The following LRRIQ1 variants were observed in gnomAD, a reference collection of about 807,000 sequenced individuals.
The protein encoded by LRRIQ1 is leucine rich repeats and IQ motif containing 1, also known as leucine-rich repeat- and IQ domain-containing protein 1.
In LRRIQ1, 210 loss-of-function variants were observed where a neutral mutation model predicts 211.9. The ratio of observed to expected loss-of-function variants is 0.99; its 90% CI spans 0.89 to 1.11. The LOEUF (loss-of-function observed/expected upper bound fraction) is 1.11, where lower values mean the gene tolerates loss of function less well. Among genes scored for constraint, LRRIQ1 ranks in the 50% most tolerant of loss-of-function variants. The pLI is 0.00. For missense variants in LRRIQ1, 2,136 were observed against 1,939.5 expected (o/e 1.10, Z -1.90); for synonymous variants, 699 against 650.1 (o/e 1.08, Z -1.14).
At chr12:85,171,017 G>A (rs1409863757) in intron 24 of LRRIQ1, among the ~76,000 whole-genome samples, 1 of 151,992 alleles carries the variant, frequency 6.6e-6, no homozygotes, top group Non-Finnish European at 1.5e-5. Flanking sequence ...AAATAAACAT[G>A]GAAAGAGATG....
At chr12:85,165,582 C>G (rs1036802160) in intron 24 of LRRIQ1, among the ~76,000 whole-genome samples, 1 of 150,550 alleles carries the variant, frequency 6.6e-6, no homozygotes, top group Non-Finnish European at 1.5e-5. Flanking sequence ...AAGCAATTCT[C>G]CTGCCTCATC....
chr12:85,158,782 A>G (rs1387846885), intron 23 of LRRIQ1, among the ~76,000 whole-genome samples: 1 of 151,956 alleles, frequency 6.6e-6, no homozygotes, highest in East Asian at 1.9e-4. Context: ...AGAGGAGTAG[A>G]CTTAAGTGTA....
chr12:85,057,868 A>T (rs77687499), intron 8 of LRRIQ1, among the ~76,000 whole-genome samples: 3,207 of 152,206 alleles, frequency 0.021, 108 homozygotes, highest in African/African-American at 0.071. Context: ...TGATTAAAAT[A>T]CATATATTTA....
intron 11 of LRRIQ1, among the ~76,000 whole-genome samples, chr12:85,073,348 C>A (rs999278002): frequency 6.6e-6 from 1 of 151,970 alleles, no homozygotes; most frequent in Non-Finnish European, 1.5e-5. Flanking sequence ...ATTACTATGA[C>A]TTCTTCCATA....
intron 26 of LRRIQ1, among the ~76,000 whole-genome samples, chr12:85,238,459 G>T (rs566560783): frequency 6.6e-6 from 1 of 151,852 alleles, no homozygotes; most frequent in African/African-American, 2.4e-5. Context: ...AAACCAACAA[G>T]AAAGAAAAAA....
At chr12:85,147,139 T>G (rs1889945255) in intron 19 of LRRIQ1, among the ~76,000 whole-genome samples, 1 of 151,724 alleles carries the variant, frequency 6.6e-6, no homozygotes, top group Non-Finnish European at 1.5e-5. Flanking sequence ...AACTGAAAAC[T>G]TAGGCAACTA....
chr12:85,157,425 C>A (rs987443628), intron 23 of LRRIQ1, among the ~76,000 whole-genome samples: 1 of 151,826 alleles, frequency 6.6e-6, no homozygotes, highest in African/African-American at 2.4e-5. Context: ...TGCTTTTAAC[C>A]TCTTGATTGG....
chr12:85,140,224 A>G (rs1889433481), intron 19 of LRRIQ1, among the ~76,000 whole-genome samples: 1 of 151,276 alleles, frequency 6.6e-6, no homozygotes, highest in African/African-American at 2.4e-5. Flanking sequence ...ACAAACCTCA[A>G]TGTGGAAAAT....
chr12:85,051,172 C>CCTCT lies in LRRIQ1; in HGVS notation c.679-985_679-982dup, dbSNP rs148108462. 3.2e-4 allele frequency among the ~76,000 whole-genome samples: 47 copies of CCTCT among 147,462 alleles called. 1 individual carries two copies. The highest frequency in any genetic ancestry group is 7.4e-4 in the African/African-American group (30 of 40,302). ...TGTTAAAAGGAGCCTAGCACTTTCTCCTCTCTCTCTCTCTCTCTCTCTCGC... is the reference window on the plus strand; with the variant it reads ...TGTTAAAAGGAGCCTAGCACTTTCTCCTCTCTCTCTCTCTCTCTCTCTCTCTCGC... On this transcript the variant is annotated intron_variant, in intron 6 of 26. Coordinates refer to ENST00000393217, the MANE Select transcript of LRRIQ1 (RefSeq NM_001079910.2).
intron 24 of LRRIQ1, among the ~76,000 whole-genome samples, chr12:85,215,254 G>A (rs562806290): frequency 1.3e-5 from 2 of 152,298 alleles, no homozygotes; most frequent in African/African-American, 4.8e-5. Flanking sequence ...TGACACTCCA[G>A]TAGAGTTGAA....
At position 85,066,833 on chromosome 12, in the gene LRRIQ1, A is replaced by G. The variant is rs564746060; in HGVS notation, c.2630A>G (p.His877Arg). 5.5e-5 allele frequency: 87 copies of G among 1,593,274 alleles called. 1 individual carries two copies. In the South Asian group the frequency reaches 9.0e-4, roughly 16 times the overall value. The change falls in exon 10 of 27, where the codon CAT becomes CGT. Residue 877 changes from histidine (H) to arginine (R), a missense_variant. His to Arg is a conservative substitution (Grantham distance 29, BLOSUM62 0). Coordinates refer to ENST00000393217, the MANE Select transcript of LRRIQ1 (RefSeq NM_001079910.2). ...AATAAAAATCAACTGACTTCTCTTC[A>G]TGGTTTGGATGGCTGTACTAATATT... ...LLNKNQLTSLHGLDGCTNIQC... is the reference protein window; with the variant it reads ...LLNKNQLTSLRGLDGCTNIQC...
At chr12:85,145,744 T>C (rs1386402795) in intron 19 of LRRIQ1, among the ~76,000 whole-genome samples, 1 of 151,692 alleles carries the variant, frequency 6.6e-6, no homozygotes, top group Non-Finnish European at 1.5e-5. Flanking sequence ...AAAGTTGTTA[T>C]CTTTATTACA....
At chr12:85,211,801 A>G (rs546316484) in intron 24 of LRRIQ1, among the ~76,000 whole-genome samples, 1 of 152,262 alleles carries the variant, frequency 6.6e-6, no homozygotes, top group South Asian at 2.1e-4. Context: ...TGGATCATTC[A>G]TAAATGATGG....
rs1885646405 is a variant in LRRIQ1 at position 85,094,046 on chromosome 12, A to G, written c.2888-4309A>G. On this transcript the variant is annotated intron_variant, in intron 11 of 26. Transcript: ENST00000393217. ...TGGCCTTAAAAGTACATTTGAGACAACTTCAAATCTCCATACATTCTGAAT... is the reference window on the plus strand; with the variant it reads ...TGGCCTTAAAAGTACATTTGAGACAGCTTCAAATCTCCATACATTCTGAAT... 1.3e-5 allele frequency among the ~76,000 whole-genome samples: 2 copies of G among 152,194 alleles called. 1 individual carries two copies. The highest frequency in any genetic ancestry group is 4.1e-4 in the South Asian group (2 of 4,830).
At position 85,127,974 on chromosome 12, in the gene LRRIQ1, A is replaced by G. The variant is rs760504442; in HGVS notation, c.4150A>G (p.Lys1384Glu). The G allele has an allele frequency of 3.7e-6, 6 of 1,613,728 alleles. No homozygotes were observed. In the Admixed American group the frequency reaches 8.3e-5, roughly 22 times the overall value. Reference sequence around the variant, plus strand: ...GAATCAGACTATTTTAAAGAAAGGAAAAAGAGAAAATATTGTGAATATCCG... The same window carrying G: ...GAATCAGACTATTTTAAAGAAAGGAGAAAGAGAAAATATTGTGAATATCCG... ...IKNQTILKKG[K>E]RENIVNIRKQ... is the part of the protein sequence containing the mutation. The change falls in exon 18 of 27, where the codon AAA (lysine) becomes GAA (glutamate). Residue 1384 changes from lysine (K) to glutamate (E), a missense_variant. Coordinates refer to ENST00000393217, the MANE Select transcript of LRRIQ1 (RefSeq NM_001079910.2).
At chr12:85,266,902 T>A (rs554173060), downstream of LRRIQ1, among the ~76,000 whole-genome samples, 123 of 152,238 alleles carry the variant, frequency 8.1e-4, no homozygotes, top group African/African-American at 2.7e-3. Flanking sequence ...TTACATTTCA[T>A]GGTTATATTT....
chr12:85,051,414 C>T (rs138828542), intron 6 of LRRIQ1, among the ~76,000 whole-genome samples: 1,627 of 152,242 alleles, frequency 0.011, 16 homozygotes, highest in South Asian at 0.017. Flanking sequence ...CTCATTGTCT[C>T]CTTGGTTCTC....
chr12:85,257,899 A>G (rs543952654), intron 1 of LRRIQ1, among the ~76,000 whole-genome samples: 1 of 151,954 alleles, frequency 6.6e-6, no homozygotes, highest in African/African-American at 2.4e-5. Context: ...ACACAGCCAC[A>G]TGGCATCTTT....
At chr12:85,261,108 A>T (rs920048561) in intron 1 of LRRIQ1, among the ~76,000 whole-genome samples, 2 of 152,138 alleles carry the variant, frequency 1.3e-5, no homozygotes, top group Admixed American at 6.5e-5. Flanking sequence ...CCAACCATGA[A>T]GGTCTCTAAA....
Sources: allele counts gnomAD v4.1 joint callset (sites outside exome capture counted in the v4.1 genomes callset), GRCh38; gene constraint gnomAD v4.1.1; transcripts MANE v1.5; gene names NCBI Gene and HGNC (gene_info 2026-07-23, HGNC 2026-07-21).